Variants in FGD4 observed in about 807,000 individuals in gnomAD.
FGD4 encodes the protein FYVE, RhoGEF and PH domain containing 4.
Under a neutral mutation model 102.0 loss-of-function variants are expected in FGD4, and 42 were observed. That is an observed-to-expected ratio of 0.41 (90% CI 0.32 to 0.53). FGD4 has a LOEUF of 0.53. FGD4 is among the 20% of genes least tolerant of loss of function. The pLI, the probability that FGD4 is intolerant of heterozygous loss-of-function variation, is 0.21. For missense variants in FGD4, 902 were observed against 1,078.2 expected (o/e 0.84, Z 2.29); for synonymous variants, 380 against 375.7 (o/e 1.01, Z -0.13).
intron 1 of FGD4, among the ~76,000 whole-genome samples, chr12:32,528,986 C>T (rs562832945): frequency 1.3e-5 from 2 of 152,266 alleles, no homozygotes; most frequent in Non-Finnish European, 1.5e-5. Flanking sequence ...AAGGATAATA[C>T]ATCTGCTTTG....
intron 8 of FGD4, among the ~76,000 whole-genome samples, chr12:32,608,505 G>C (rs1272399634): frequency 6.6e-6 from 1 of 152,210 alleles, no homozygotes; most frequent in African/African-American, 2.4e-5. Context: ...AACCTAAGCA[G>C]AGTTGGCTGC....
chr12:32,597,719 T>G (rs1948025660), intron 4 of FGD4, among the ~76,000 whole-genome samples: 1 of 152,164 alleles, frequency 6.6e-6, no homozygotes, highest in Non-Finnish European at 1.5e-5. Flanking sequence ...AAATACATAC[T>G]GAAGAAATAA....
chr12:32,623,156 G>T (rs1375594778), intron 11 of FGD4, among the ~76,000 whole-genome samples: 1 of 151,944 alleles, frequency 6.6e-6, no homozygotes, highest in Non-Finnish European at 1.5e-5. Context: ...TACTATTATG[G>T]TTGTCTATTG....
chr12:32,589,096 T>C (rs111335985), intron 4 of FGD4, among the ~76,000 whole-genome samples: 50 of 152,334 alleles, frequency 3.3e-4, no homozygotes, highest in African/African-American at 1.2e-3. Context: ...AGATAACATA[T>C]CTACCTTGTA....
chr12:32,488,887 C>T (rs1262298682), intron 1 of FGD4, among the ~76,000 whole-genome samples: 1 of 152,098 alleles, frequency 6.6e-6, no homozygotes, highest in Non-Finnish European at 1.5e-5. Flanking sequence ...TGCAGTGAGC[C>T]GAGATCGCAC....
At chr12:32,632,713 ATTTTT>A (rs372972257) in intron 14 of FGD4, among the ~76,000 whole-genome samples, 17 of 123,800 alleles carry the variant, frequency 1.4e-4, no homozygotes, top group Admixed American at 2.4e-4. Flanking sequence ...TTATTTATTT[ATTTTT>A]TTTTTTTGAG....
At chr12:32,557,373 T>C (rs1198151301) in intron 1 of FGD4, among the ~76,000 whole-genome samples, 2 of 152,214 alleles carry the variant, frequency 1.3e-5, no homozygotes, top group Non-Finnish European at 2.9e-5. Flanking sequence ...TCTCTTTCAG[T>C]ACATTTCTAT....
At chr12:32,511,696 A>G (rs1203574259) in intron 1 of FGD4, 1 of 152,170 alleles carries the variant, frequency 6.6e-6, no homozygotes, top group Non-Finnish European at 1.5e-5. Context: ...CTACTTATTT[A>G]ACTCACACAT....
At chr12:32,484,631 G>A (rs1188905791) in intron 1 of FGD4, among the ~76,000 whole-genome samples, 2 of 152,078 alleles carry the variant, frequency 1.3e-5, no homozygotes, top group African/African-American at 2.4e-5. Flanking sequence ...CAGCATTTTC[G>A]GAGGCCGAGG....
intron 1 of FGD4, among the ~76,000 whole-genome samples, chr12:32,472,457 C>A (rs1460481687): frequency 6.6e-6 from 1 of 152,238 alleles, no homozygotes; most frequent in Non-Finnish European, 1.5e-5. Context: ...GGAGGGTGTA[C>A]TGGGTCCCCC....
rs2136148370 is a variant in FGD4 at position 32,544,094 on chromosome 12, G to A, written c.167-20043G>A. Among the ~76,000 whole-genome samples the A allele has an allele frequency of 6.6e-6, 1 of 152,296 alleles. No individual in the cohort carries two copies. The highest frequency in any genetic ancestry group is 6.5e-5 in the Admixed American group (1 of 15,294). Reference sequence around the variant, plus strand: ...GAAGTATTTGCTGTGACTTAAACAAGAGTCACATGGTGCTATGAGCTTAAA... The same window carrying A: ...GAAGTATTTGCTGTGACTTAAACAAAAGTCACATGGTGCTATGAGCTTAAA... On this transcript the variant is annotated intron_variant, in intron 1 of 16. Coordinates refer to ENST00000534526, the MANE Select transcript of FGD4 (RefSeq NM_001370298.3). The surrounding 1 kb of genome is among the most constrained non-coding windows in gnomAD (Gnocchi z 4.1).
At chr12:32,552,434 A>ATTTTTTT (rs66646521) in intron 1 of FGD4, among the ~76,000 whole-genome samples, 27 of 120,996 alleles carry the variant, frequency 2.2e-4, no homozygotes, top group Admixed American at 4.6e-4. Context: ...TAATTTTTGC[A>ATTTTTTT]TTTTTTTTTT....
At chr12:32,632,709 A>T (rs865864919) in intron 14 of FGD4, among the ~76,000 whole-genome samples, 1,810 of 124,232 alleles carry the variant, frequency 0.015, 43 homozygotes, top group African/African-American at 0.052. Flanking sequence ...TTATTTATTT[A>T]TTTATTTTTT....
Position 32,626,838 on chromosome 12 carries a change from G to T in FGD4, c.2172+1059G>T, listed in dbSNP as rs540300398. Among the ~76,000 whole-genome samples the T allele has an allele frequency of 1.9e-3, 286 of 151,678 alleles. 1 individual carries two copies. The highest frequency in any genetic ancestry group is 5.1e-3 in the African/African-American group (213 of 41,374). ...TTTAGGTGCAATATCTATTTATTTG[G>T]TTTTTTTTGTTTTGTTTTTTGTTTT... On this transcript the variant is annotated intron_variant, in intron 14 of 16. Transcript: ENST00000534526.
chr12:32,585,269 A>G (rs924334685), intron 4 of FGD4, among the ~76,000 whole-genome samples: 7 of 135,286 alleles, frequency 5.2e-5, no homozygotes, highest in African/African-American at 1.9e-4. Context: ...TATATCTTAA[A>G]GGCAACTTTT....
intron 1 of FGD4, among the ~76,000 whole-genome samples, chr12:32,493,558 C>T (rs1000396960): frequency 3.9e-5 from 6 of 152,172 alleles, no homozygotes; most frequent in African/African-American, 1.4e-4. Context: ...TGTCAGTGAC[C>T]CAGGTGCACG....
chr12:32,487,543 C>T (rs1943947452), intron 1 of FGD4, among the ~76,000 whole-genome samples: 2 of 151,986 alleles, frequency 1.3e-5, no homozygotes, highest in African/African-American at 4.8e-5. Context: ...CAGTGATTGT[C>T]GTGCCTCAAC....
Position 32,633,581 on chromosome 12 carries a change from T to G in FGD4, c.2205T>G (p.Ala735=). The G allele has an allele frequency of 6.2e-7, 1 of 1,613,900 alleles. No homozygotes were observed. Among genetic ancestry groups the G allele is most frequent in the Non-Finnish European group, 8.5e-7 (1 of 1,179,898 alleles). ...GTTGGAAATGCTCCGACTACAAAGC[T>G]CAACTTGAATATGATGGTGGTAAAT... is the stretch of plus-strand genomic sequence containing the variant. ...VVCWKCSDYK[A]QLEYDGGKLS... The change falls in exon 15 of 17, where the codon GCT becomes GCG. Residue 735 remains alanine, a synonymous_variant. Coordinates refer to ENST00000534526, the MANE Select transcript of FGD4 (RefSeq NM_001370298.3).
At chr12:32,599,355 G>A (rs1442940788) in intron 5 of FGD4, among the ~76,000 whole-genome samples, 2 of 144,726 alleles carry the variant, frequency 1.4e-5, no homozygotes, top group Non-Finnish European at 1.5e-5. Flanking sequence ...TTAGCCGGGC[G>A]TGGTAGCGGG....
Sources: allele counts gnomAD v4.1 joint callset (sites outside exome capture counted in the v4.1 genomes callset), GRCh38; gene constraint gnomAD v4.1.1; non-coding constraint Gnocchi (gnomAD v3.1); transcripts MANE v1.5; gene names NCBI Gene and HGNC (gene_info 2026-07-23, HGNC 2026-07-21).